CNTNAP2: variants seen among roughly 807,000 people sequenced by gnomAD.
The protein encoded by CNTNAP2 is contactin-associated protein-like 2.
In CNTNAP2, 98 loss-of-function variants were observed where a neutral mutation model predicts 155.2. The ratio of observed to expected loss-of-function variants is 0.63; its 90% CI spans 0.54 to 0.75. CNTNAP2 has a LOEUF of 0.75. Among genes scored for constraint, CNTNAP2 ranks in the 30% least tolerant of loss-of-function variants. The probability of loss-of-function intolerance (pLI) is 0.00; values close to 1 mark genes in which losing one functional copy is unlikely to be tolerated. For missense variants in CNTNAP2, 1,727 were observed against 1,688.1 expected (o/e 1.02, Z -0.40); for synonymous variants, 651 against 631.2 (o/e 1.03, Z -0.47).
chr7:148,248,203 A>T (rs942318927), intron 20 of CNTNAP2, among the ~76,000 whole-genome samples: 5 of 147,622 alleles, frequency 3.4e-5, no homozygotes, highest in African/African-American at 1.2e-4. Context: ...CTGTTCTATA[A>T]TTTTTTTTTT....
At chr7:146,853,459 T>C (rs1208787846) in intron 3 of CNTNAP2, among the ~76,000 whole-genome samples, 2 of 152,184 alleles carry the variant, frequency 1.3e-5, no homozygotes, top group East Asian at 3.9e-4. Flanking sequence ...ATATCAAACC[T>C]ATGGATATTT....
intron 1 of CNTNAP2, among the ~76,000 whole-genome samples, chr7:146,682,461 G>A (rs554224047): frequency 1.1e-4 from 16 of 152,202 alleles, no homozygotes; most frequent in Admixed American, 1.3e-4. Flanking sequence ...AAACATTATT[G>A]CCAAACTTCA....
chr7:146,242,081 T>C (rs979934807), intron 1 of CNTNAP2, among the ~76,000 whole-genome samples: 2 of 152,014 alleles, frequency 1.3e-5, no homozygotes, highest in African/African-American at 4.8e-5. Flanking sequence ...TCTCATGAGG[T>C]TGTTGTGAGG....
At chr7:148,033,128 C>T (rs1585088409) in intron 15 of CNTNAP2, among the ~76,000 whole-genome samples, 1 of 152,136 alleles carries the variant, frequency 6.6e-6, no homozygotes, top group Non-Finnish European at 1.5e-5. Flanking sequence ...ACTACTGCCA[C>T]TGAGCAGATT....
intron 23 of CNTNAP2, among the ~76,000 whole-genome samples, chr7:148,413,401 A>AAAAAAAAAAAATATAT (rs1442990213): frequency 4.4e-5 from 2 of 45,376 alleles, no homozygotes; most frequent in African/African-American, 1.3e-4. Flanking sequence ...TCAAAAAAAA[A>AAAAAAAAAAAATATAT]ATATATATAT....
intron 2 of CNTNAP2, among the ~76,000 whole-genome samples, chr7:146,818,916 C>G (rs1803224389): frequency 6.6e-6 from 1 of 151,848 alleles, no homozygotes; most frequent in African/African-American, 2.4e-5. Flanking sequence ...GTAAAAACCA[C>G]AGTGATATTC....
chr7:146,557,094 G>A (rs949871881), intron 1 of CNTNAP2, among the ~76,000 whole-genome samples: 18 of 152,018 alleles, frequency 1.2e-4, no homozygotes, highest in Admixed American at 7.9e-4. Context: ...GCAGTTGTAC[G>A]TAATAATGAT....
intron 1 of CNTNAP2, among the ~76,000 whole-genome samples, chr7:146,145,138 G>A (rs1797939632): frequency 6.6e-6 from 1 of 152,124 alleles, no homozygotes; most frequent in Admixed American, 6.6e-5. Context: ...ATCTTTTTCT[G>A]AGATGCTTTA....
Position 147,326,452 on chromosome 7 carries a change from T to A in CNTNAP2, c.1498+26162T>A, listed in dbSNP as rs139011814. The stretch of plus-strand genomic sequence containing the variant: ...TTATTCATTCATGCATCAATGAACA[T>A]TTGCGGTGTTTCTGCTGTTTCACTA... On this transcript the variant is annotated intron_variant, in intron 9 of 23. Transcript: ENST00000361727. Among the ~76,000 whole-genome samples the A allele has an allele frequency of 1.4e-3, 211 of 152,350 alleles. 3 individuals are homozygous for A. The highest frequency in any genetic ancestry group is 4.7e-3 in the African/African-American group (195 of 41,580).
At chr7:148,341,259 G>C (rs6958824) in intron 21 of CNTNAP2, among the ~76,000 whole-genome samples, 7 of 150,142 alleles carry the variant, frequency 4.7e-5, no homozygotes, top group Non-Finnish European at 1.5e-5. Flanking sequence ...GCATTTAATC[G>C]ATTCAGAGGA....
At position 146,521,887 on chromosome 7, in the gene CNTNAP2, T is replaced by A. The variant is rs117120195; in HGVS notation, c.98-252384T>A. On this transcript the variant is annotated intron_variant, in intron 1 of 23. Transcript: ENST00000361727. The stretch of plus-strand genomic sequence containing the variant: ...CTAAAATACATTCAAAGGCTTTAAT[T>A]CCGCCTAGTGTTTTTCAGTGCCAGA... Among the ~76,000 whole-genome samples, 639 of 152,170 alleles carry A rather than the reference T, an allele frequency of 4.2e-3. 2 individuals carry two copies. Among genetic ancestry groups the A allele is most frequent in the Non-Finnish European group, 6.3e-3 (427 of 67,954 alleles).
intron 2 of CNTNAP2, among the ~76,000 whole-genome samples, chr7:146,798,491 A>G (rs918077060): frequency 6.6e-6 from 1 of 152,020 alleles, no homozygotes; most frequent in African/African-American, 2.4e-5. Context: ...ACAGGTGTGC[A>G]CCATCAGTAC....
intron 8 of CNTNAP2, among the ~76,000 whole-genome samples, chr7:147,135,537 AG>A (rs1392493232): frequency 6.6e-6 from 1 of 151,852 alleles, no homozygotes; most frequent in East Asian, 1.9e-4. Context: ...AGGTGCAAAA[AG>A]GGTCTAATGA....
chr7:148,200,407 C>CT (rs77795969), intron 18 of CNTNAP2, among the ~76,000 whole-genome samples: 1,702 of 145,188 alleles, frequency 0.012, 32 homozygotes, highest in African/African-American at 0.037. Flanking sequence ...CTTTCTCTCT[C>CT]TTTTTTTTTT....
intron 13 of CNTNAP2, among the ~76,000 whole-genome samples, chr7:147,740,704 G>A (rs1453002238): frequency 1.3e-5 from 2 of 152,162 alleles, no homozygotes; most frequent in Non-Finnish European, 2.9e-5. Context: ...GTAGCAAAAT[G>A]TCAACCATAT....
At chr7:146,863,855 A>T (rs1388107559) in intron 3 of CNTNAP2, among the ~76,000 whole-genome samples, 2 of 152,150 alleles carry the variant, frequency 1.3e-5, no homozygotes, top group Non-Finnish European at 2.9e-5. Context: ...CACAAATATA[A>T]GGAGTAAATC....
intron 2 of CNTNAP2, among the ~76,000 whole-genome samples, chr7:146,793,680 C>T (rs1359324291): frequency 6.6e-6 from 1 of 152,192 alleles, no homozygotes; most frequent in Non-Finnish European, 1.5e-5. Context: ...GGGGGTTCCC[C>T]CTGGGTGTCT....
At chr7:146,776,628 A>G (rs1350322069) in intron 2 of CNTNAP2, among the ~76,000 whole-genome samples, 2 of 152,186 alleles carry the variant, frequency 1.3e-5, no homozygotes. Flanking sequence ...AACCTTTCAG[A>G]GCAGCAGGTT....
intron 1 of CNTNAP2, among the ~76,000 whole-genome samples, chr7:146,152,489 C>A (rs1335668848): frequency 6.6e-6 from 1 of 151,908 alleles, no homozygotes. Context: ...ATATTGCATT[C>A]TTGAAAAATG....
Sources: gnomAD v4.1 joint callset for allele counts (sites outside exome capture counted in the v4.1 genomes callset) on GRCh38, gnomAD v4.1.1 for gene constraint, MANE v1.5 for transcripts, NCBI Gene and HGNC (gene_info 2026-07-23, HGNC 2026-07-21) for gene names.